SP2: variants seen among roughly 807,000 people sequenced by gnomAD.
SP2 encodes Sp2 transcription factor, also known as transcription factor Sp2.
A neutral mutation model predicts 50.1 loss-of-function variants in SP2; 9 were observed. That is an observed-to-expected ratio of 0.18 (90% confidence interval 0.11 to 0.31). The LOEUF (loss-of-function observed/expected upper bound fraction) is 0.31, where lower values mean the gene tolerates loss of function less well. Among genes scored for constraint, SP2 ranks in the 10% least tolerant of loss-of-function variants. The pLI, the probability that SP2 is intolerant of heterozygous loss-of-function variation, is 1.00. For synonymous variants in SP2, 313 were observed against 326.6 expected (o/e 0.96, Z 0.45); for missense variants, 581 against 806.5 (o/e 0.72, Z 3.39).
chr17:47,924,889 C>A lies in SP2; in HGVS notation c.1373-30C>A, dbSNP rs750405782. On this transcript the variant is annotated intron_variant, in intron 4 of 6. Coordinates refer to ENST00000376741, the MANE Select transcript of SP2 (RefSeq NM_003110.6). ...GACTCGAGGTTTCAGGCTTCCTCAC[C>A]CTGAACTCTGCCCCTCTTTGTCCCC... is the stretch of plus-strand genomic sequence containing the variant. The A allele has an allele frequency of 6.4e-6, 10 of 1,556,168 alleles. No individual in the cohort carries two copies. The East Asian group carries it at 2.3e-4, about 35-fold the overall frequency.
At chr17:47,908,852 G>T (rs2143858809) in intron 1 of SP2, among the ~76,000 whole-genome samples, 1 of 152,252 alleles carries the variant, frequency 6.6e-6, no homozygotes, top group Non-Finnish European at 1.5e-5. Context: ...ACCGCGCCCG[G>T]CCATGAATAA....
intron 3 of SP2, among the ~76,000 whole-genome samples, chr17:47,922,205 T>C (rs2035485270): frequency 6.6e-6 from 1 of 152,208 alleles, no homozygotes; most frequent in African/African-American, 2.4e-5. Flanking sequence ...AGCTCTCCCA[T>C]AGAGACACCC....
Position 47,916,078 on chromosome 17 carries a change from G to C in SP2, c.85-78G>C. ...GAAGACTGGCGTGGAATGCCGCCAG[G>C]AGGAGAGGATCATGGACAGAGGCGG... is the stretch of plus-strand genomic sequence containing the variant. On this transcript the variant is annotated intron_variant, in intron 2 of 6. Coordinates refer to ENST00000376741, the MANE Select transcript of SP2 (RefSeq NM_003110.6). This position sits in a 1 kb window ranked among gnomAD's most constrained non-coding sequence, Gnocchi z 4.7. The C allele has an allele frequency of 9.9e-6, 15 of 1,509,910 alleles. No individual in the cohort carries two copies. Among genetic ancestry groups the C allele is most frequent in the Non-Finnish European group, 1.2e-5 (14 of 1,125,712 alleles). 93.5% of individuals were successfully genotyped at this position (1,509,910 alleles called of 1,614,324 possible).
chr17:47,899,173 A>G (rs976131300), intron 1 of SP2: 2 of 152,060 alleles, frequency 1.3e-5, no homozygotes, highest in Non-Finnish European at 2.9e-5. Flanking sequence ...TTAGATCTTT[A>G]TGTTTCTGAA....
At chr17:47,930,135 C>G (rs1449628659), downstream of SP2, among the ~76,000 whole-genome samples, 1 of 152,222 alleles carries the variant, frequency 6.6e-6, no homozygotes, top group Non-Finnish European at 1.5e-5. Context: ...TCTTCCTCAG[C>G]CCCTCAGCTC....
Position 47,916,016 on chromosome 17 carries a change from G to C in SP2, c.85-140G>C. ...AGAAGGGGAGACAGCAGCCAAGCAGGGGAGGGTACTGGCAACATGCCTGCC... is the reference window on the plus strand; with the variant it reads ...AGAAGGGGAGACAGCAGCCAAGCAGCGGAGGGTACTGGCAACATGCCTGCC... On this transcript the variant is annotated intron_variant, in intron 2 of 6. Coordinates refer to ENST00000376741, the MANE Select transcript of SP2 (RefSeq NM_003110.6). This position sits in a 1 kb window ranked among gnomAD's most constrained non-coding sequence, Gnocchi z 4.7. The C allele has an allele frequency of 2.1e-6, 2 of 936,492 alleles. No homozygotes were observed. The highest frequency in any genetic ancestry group is 2.4e-5 in the East Asian group (1 of 41,266). 58.0% of individuals were successfully genotyped at this position (936,492 alleles called of 1,614,324 possible).
At chr17:47,917,178 T>A (rs947498686) in intron 3 of SP2, 48 bp downstream of exon 3, 1 of 1,525,306 alleles carries the variant, frequency 6.6e-7, no homozygotes, top group Non-Finnish European at 8.8e-7. Flanking sequence ...TGGTTATCTC[T>A]TTTTGGCTTG....
chr17:47,922,524 CTT>C (rs56279716), intron 3 of SP2, among the ~76,000 whole-genome samples: 20,097 of 142,250 alleles, frequency 0.14, 1,526 homozygotes, highest in East Asian at 0.24. Context: ...AGACCAGAAA[CTT>C]TTTTTTTTTT....
chr17:47,918,831 C>A (rs370884530), intron 3 of SP2, among the ~76,000 whole-genome samples: 1 of 152,202 alleles, frequency 6.6e-6, no homozygotes, highest in African/African-American at 2.4e-5. Context: ...TCTAGCCCAC[C>A]TGCCTGTTTT....
chr17:47,917,712 T>C (rs139280788), intron 3 of SP2: 1 of 402,358 alleles, frequency 2.5e-6, no homozygotes, highest in Non-Finnish European at 5.0e-6. Context: ...TCTCCTGGGC[T>C]CAAGCAATCC....
chr17:47,927,624 G>A, intron 6 of SP2, 100 bp from the exon 7 acceptor site: 7 of 696,050 alleles, frequency 1.0e-5, no homozygotes, highest in East Asian at 2.8e-5. Flanking sequence ...ACAAGGCCAT[G>A]TCAGCTTGAT....
intron 3 of SP2, among the ~76,000 whole-genome samples, chr17:47,920,975 C>T (rs900570218): frequency 2.0e-5 from 3 of 152,194 alleles, no homozygotes; most frequent in African/African-American, 7.2e-5. Context: ...CCCCTGACAA[C>T]TACTGGTCTA....
intron 6 of SP2, among the ~76,000 whole-genome samples, chr17:47,925,760 C>T (rs1418153057): frequency 6.6e-6 from 1 of 152,188 alleles, no homozygotes; most frequent in Non-Finnish European, 1.5e-5. Flanking sequence ...GTTGTCATTG[C>T]ATGACACAAC....
intron 6 of SP2, 148 bp from the exon 7 acceptor site, chr17:47,927,576 G>T: frequency 1.9e-6 from 1 of 529,110 alleles, no homozygotes; most frequent in Non-Finnish European, 3.4e-6. Flanking sequence ...AAGCACCAGT[G>T]AGCAAATGTG....
chr17:47,913,545 T>C (rs1048057234), intron 1 of SP2, among the ~76,000 whole-genome samples: 8 of 152,222 alleles, frequency 5.3e-5, no homozygotes, highest in African/African-American at 1.9e-4. Flanking sequence ...CTCATGACTT[T>C]CGTTTTCCTG....
At position 47,922,950 on chromosome 17, in the gene SP2, G is replaced by T. The variant is rs1376199468; in HGVS notation, c.1060-12G>T. ...TTCCAGGCACTGATTTTTTTTCTCT[G>T]GCCCCTCCCAGGTCTACATCCGCAC... is the stretch of plus-strand genomic sequence containing the variant. On this transcript the variant is annotated splice_polypyrimidine_tract_variant and intron_variant, in intron 3 of 6. Transcript: ENST00000376741. 14 of 1,585,028 alleles carry T rather than the reference G, an allele frequency of 8.8e-6. No individual in the cohort carries two copies. The highest frequency in any genetic ancestry group is 4.6e-5 in the South Asian group (4 of 87,708).
At chr17:47,909,569 A>T in intron 1 of SP2, 1 of 290,056 alleles carries the variant, frequency 3.4e-6, no homozygotes, top group Non-Finnish European at 5.1e-6. Flanking sequence ...ATTAAACTTT[A>T]AAGCCATATA....
At chr17:47,912,117 A>G (rs1432563599) in intron 1 of SP2, among the ~76,000 whole-genome samples, 1 of 152,226 alleles carries the variant, frequency 6.6e-6, no homozygotes, top group Non-Finnish European at 1.5e-5. Context: ...AAAAAGAAAC[A>G]GATTTGTTCA....
At chr17:47,907,444 G>T (rs2034808311) in intron 1 of SP2, among the ~76,000 whole-genome samples, 1 of 152,160 alleles carries the variant, frequency 6.6e-6, no homozygotes, top group Admixed American at 6.5e-5. Context: ...GATGCCCCTG[G>T]AGTTTTCCAT....
Sources: allele counts gnomAD v4.1 joint callset (sites outside exome capture counted in the v4.1 genomes callset), GRCh38; gene constraint gnomAD v4.1.1; non-coding constraint Gnocchi (gnomAD v3.1); transcripts MANE v1.5; gene names NCBI Gene and HGNC (gene_info 2026-07-23, HGNC 2026-07-21).